FOXN3: variants seen among roughly 807,000 people sequenced by gnomAD.
The protein encoded by FOXN3 is forkhead box protein N3.
FOXN3 carries 7 observed loss-of-function variants against 38.4 expected under a neutral mutation model. That is an observed-to-expected ratio of 0.18 (90% confidence interval 0.10 to 0.34). The LOEUF (loss-of-function observed/expected upper bound fraction) is 0.34. Ranked by LOEUF, FOXN3 falls within the 10% of genes least tolerant of loss-of-function variation. FOXN3 has a pLI of 1.00. For synonymous variants in FOXN3, 230 were observed against 242.2 expected, an observed-to-expected ratio of 0.95 and a Z score of 0.47; for missense variants, 456 against 613.4, an observed-to-expected ratio of 0.74 and a Z score of 2.71.
At chr14:89,418,239 C>G (rs919438288), upstream of FOXN3, among the ~76,000 whole-genome samples, 3 of 151,720 alleles carry the variant, frequency 2.0e-5, no homozygotes, top group African/African-American at 7.3e-5. Context: ...CCTGCCACCC[C>G]CTCCTGAGCC....
At chr14:89,560,287 A>G (rs1895220517) in intron 1 of FOXN3, among the ~76,000 whole-genome samples, 1 of 152,174 alleles carries the variant, frequency 6.6e-6, no homozygotes, top group Admixed American at 6.5e-5. Context: ...ACAGTTCAAC[A>G]TGACATTTGG....
intron 5 of FOXN3, among the ~76,000 whole-genome samples, chr14:89,178,885 G>T (rs956764646): frequency 6.6e-6 from 1 of 152,202 alleles, no homozygotes; most frequent in African/African-American, 2.4e-5. Context: ...AGGATAAACT[G>T]TAAGTCTATA....
At chr14:89,552,718 G>A (rs1895030882) in intron 1 of FOXN3, among the ~76,000 whole-genome samples, 1 of 152,218 alleles carries the variant, frequency 6.6e-6, no homozygotes, top group Non-Finnish European at 1.5e-5. Context: ...AGTTAGCTGA[G>A]CGTGGTGGCA....
rs948467223 is a variant in FOXN3, at chr14:89,310,312, G to T, written c.681-29298C>A. ...GGCAGCCATCCTGCCTCCACGAGGC[G>T]ACAGAGTGCCTAAGAACCAAGCCAA... is the stretch of plus-strand genomic sequence containing the variant. On this transcript the variant is annotated intron_variant, in intron 3 of 5. Coordinates refer to ENST00000557258, the MANE Select transcript of FOXN3 (RefSeq NM_005197.4). 2.0e-5 allele frequency among the ~76,000 whole-genome samples: 3 copies of T among 152,172 alleles called. No homozygotes were observed. In the South Asian group the frequency reaches 6.2e-4, roughly 32 times the overall value.
intron 2 of FOXN3, among the ~76,000 whole-genome samples, chr14:89,354,558 A>AG (rs1476818744): frequency 3.3e-4 from 49 of 149,310 alleles, no homozygotes; most frequent in African/African-American, 5.4e-4. Flanking sequence ...AAAAAAAAAA[A>AG]AAAGAAAAGA....
chr14:89,227,498 AAT>A (rs1884677556), intron 4 of FOXN3, among the ~76,000 whole-genome samples: 1 of 152,206 alleles, frequency 6.6e-6, no homozygotes, highest in Non-Finnish European at 1.5e-5. Flanking sequence ...GATGGAATAT[AAT>A]AGTCGGTGAA....
At chr14:89,285,646 C>G (rs1360631377) in intron 3 of FOXN3, among the ~76,000 whole-genome samples, 3 of 151,950 alleles carry the variant, frequency 2.0e-5, no homozygotes, top group Non-Finnish European at 4.4e-5. Flanking sequence ...GAAGAGGTAT[C>G]TAGAGTAGAC....
chr14:89,425,446 C>T (rs565300503), intron 1 of FOXN3, among the ~76,000 whole-genome samples: 21 of 152,050 alleles, frequency 1.4e-4, no homozygotes, highest in South Asian at 1.2e-3. Flanking sequence ...CGGCTCACCG[C>T]GACCTCTGCC....
At chr14:89,321,984 T>A (rs1243932746) in intron 3 of FOXN3, among the ~76,000 whole-genome samples, 2 of 152,218 alleles carry the variant, frequency 1.3e-5, no homozygotes, top group Non-Finnish European at 2.9e-5. Context: ...TTAGGTCCTA[T>A]AATCTCATTT....
chr14:89,613,820 G>A (rs1426854366), intron 1 of FOXN3, among the ~76,000 whole-genome samples: 1 of 152,128 alleles, frequency 6.6e-6, no homozygotes, highest in Non-Finnish European at 1.5e-5. Context: ...AACAATGCAG[G>A]GAGGTTGGCT....
chr14:89,555,045 C>T (rs1895088109), intron 1 of FOXN3, among the ~76,000 whole-genome samples: 1 of 151,832 alleles, frequency 6.6e-6, no homozygotes, highest in Non-Finnish European at 1.5e-5. Flanking sequence ...CCCACCTTGG[C>T]CTCCCAAAGT....
intron 5 of FOXN3, among the ~76,000 whole-genome samples, chr14:89,170,420 T>C (rs1231592255): frequency 6.6e-6 from 1 of 152,228 alleles, no homozygotes. Flanking sequence ...GACATCTTTT[T>C]TATTTTTATC....
At chr14:89,517,295 G>A (rs1262320688) in intron 1 of FOXN3, among the ~76,000 whole-genome samples, 6 of 150,004 alleles carry the variant, frequency 4.0e-5, no homozygotes, top group Admixed American at 6.6e-5. Context: ...CCTGGGAGGC[G>A]GAGGTTGCAG....
At chr14:89,468,921 G>A (rs367653127) in intron 1 of FOXN3, among the ~76,000 whole-genome samples, 25 of 152,082 alleles carry the variant, frequency 1.6e-4, no homozygotes, top group African/African-American at 5.1e-4. Context: ...GAGAGACGTC[G>A]CCAGATGCCC....
chr14:89,207,582 A>AG (rs1888417826), intron 4 of FOXN3, among the ~76,000 whole-genome samples: 1 of 152,234 alleles, frequency 6.6e-6, no homozygotes, highest in South Asian at 2.1e-4. Context: ...AAAGTGGGAC[A>AG]GGGGCAGATG....
chr14:89,345,186 C>G (rs1426257450), intron 3 of FOXN3, among the ~76,000 whole-genome samples: 1 of 152,160 alleles, frequency 6.6e-6, no homozygotes, highest in Non-Finnish European at 1.5e-5. Flanking sequence ...CCTCGTGTGG[C>G]TCAGCAGATC....
chr14:89,509,706 C>T (rs977822822), intron 1 of FOXN3, among the ~76,000 whole-genome samples: 1 of 152,212 alleles, frequency 6.6e-6, no homozygotes, highest in African/African-American at 2.4e-5. Flanking sequence ...ACTGCTGTAT[C>T]CCAGTACAGG....
intron 1 of FOXN3, chr14:89,576,565 A>G (rs2139903160): frequency 6.6e-6 from 1 of 152,142 alleles, no homozygotes; most frequent in Non-Finnish European, 1.5e-5. Context: ...AAACAAAACA[A>G]AACAGGTTGC....
rs1890011911 is a variant in FOXN3, at chr14:89,363,964, A to C, written c.544-13156T>G. ...GTCTGTAAAATATATATATATATAT[A>C]TATATATATATATATATATATATAA... On this transcript the variant is annotated intron_variant, in intron 2 of 5. Transcript: ENST00000557258. Among the ~76,000 whole-genome samples, 2 of 26,772 alleles carry C rather than the reference A, an allele frequency of 7.5e-5. 1 individual carries two copies. The highest frequency in any genetic ancestry group is 9.6e-4 in the Admixed American group (2 of 2,080). 17.6% of individuals were successfully genotyped at this position (26,772 alleles called of 152,430 possible). A position where few individuals can be genotyped will look rare whatever the true frequency, so the allele number is the denominator to read the frequency against.
Sources: gnomAD v4.1 joint callset for allele counts (sites outside exome capture counted in the v4.1 genomes callset) on GRCh38, gnomAD v4.1.1 for gene constraint, MANE v1.5 for transcripts, NCBI Gene and HGNC (gene_info 2026-07-23, HGNC 2026-07-21) for gene names.